TBC1D15: variants seen among roughly 807,000 people sequenced by gnomAD.
The protein encoded by TBC1D15 is GAP for RAB7.
Under a neutral mutation model 95.4 loss-of-function variants are expected in TBC1D15, and 39 were observed. The observed-to-expected ratio is 0.41, with a 90% CI of 0.32 to 0.53. The LOEUF is 0.53. Ranked by LOEUF, TBC1D15 falls within the 20% of genes least tolerant of loss-of-function variation. The pLI, the probability that TBC1D15 is intolerant of heterozygous loss-of-function variation, is 0.29. For synonymous variants in TBC1D15, 258 were observed against 261.3 expected, an observed-to-expected ratio of 0.99 and a Z score of 0.12; for missense variants, 733 against 794.3, an observed-to-expected ratio of 0.92 and a Z score of 0.93.
intron 1 of TBC1D15, among the ~76,000 whole-genome samples, chr12:71,852,338 G>T (rs1279183910): frequency 6.6e-6 from 1 of 152,222 alleles, no homozygotes; most frequent in East Asian, 1.9e-4. Flanking sequence ...CGTTGGTCCT[G>T]TGATGGGAAT....
chr12:71,892,372 A>G (rs1316765547), intron 5 of TBC1D15, among the ~76,000 whole-genome samples: 1 of 152,080 alleles, frequency 6.6e-6, no homozygotes, highest in Non-Finnish European at 1.5e-5. Context: ...TCAAACATTT[A>G]TAATAAACAG....
intron 10 of TBC1D15, among the ~76,000 whole-genome samples, chr12:71,899,656 G>A (rs1162908745): frequency 6.6e-6 from 1 of 152,162 alleles, no homozygotes; most frequent in Non-Finnish European, 1.5e-5. Flanking sequence ...CTCTATTGGA[G>A]CATTTTAAGG....
chr12:71,853,164 C>T (rs577667337), intron 1 of TBC1D15, among the ~76,000 whole-genome samples: 149 of 152,182 alleles, frequency 9.8e-4, no homozygotes, highest in Non-Finnish European at 1.5e-3. Context: ...ACAATCATGG[C>T]GGAAGGCAAA....
intron 5 of TBC1D15, among the ~76,000 whole-genome samples, chr12:71,886,317 C>T (rs999065949): frequency 4.6e-5 from 7 of 152,182 alleles, no homozygotes; most frequent in African/African-American, 7.2e-5. Context: ...TACAGGCGTG[C>T]GCCACCACGG....
chr12:71,865,355 A>G (rs1209547499), intron 1 of TBC1D15, among the ~76,000 whole-genome samples: 1 of 152,042 alleles, frequency 6.6e-6, no homozygotes, highest in Non-Finnish European at 1.5e-5. Flanking sequence ...GACTCCTGGG[A>G]AGAAGGGGTA....
intron 5 of TBC1D15, among the ~76,000 whole-genome samples, chr12:71,890,894 G>T: frequency 6.6e-6 from 1 of 152,128 alleles, no homozygotes; most frequent in East Asian, 1.9e-4. Context: ...AACCAAGTTG[G>T]TTGCTAAGAT....
At chr12:71,902,851 A>G (rs1446211172) in intron 10 of TBC1D15, among the ~76,000 whole-genome samples, 1 of 152,220 alleles carries the variant, frequency 6.6e-6, no homozygotes, top group Non-Finnish European at 1.5e-5. Flanking sequence ...AATACCCAGA[A>G]TCTGTAAGGA....
Position 71,855,901 on chromosome 12 carries a change from A to G in TBC1D15, c.30+16090A>G, listed in dbSNP as rs181459150. Among the ~76,000 whole-genome samples the G allele has an allele frequency of 1.1e-3, 167 of 145,602 alleles. 1 individual carries two copies. The highest frequency in any genetic ancestry group is 4.0e-3 in the African/African-American group (142 of 35,852). ...GTTTTTAAGAGTTTTGTTTTTCTTA[A>G]TCAGTTGCACCTTTTGTCTTGTTAT... is the stretch of plus-strand genomic sequence containing the variant. On this transcript the variant is annotated intron_variant, in intron 1 of 16. Transcript: ENST00000485960.
intron 7 of TBC1D15, among the ~76,000 whole-genome samples, chr12:71,895,300 C>T (rs1168093356): frequency 3.9e-5 from 6 of 151,914 alleles, no homozygotes; most frequent in Admixed American, 3.9e-4. Context: ...GGGTTTTGGC[C>T]TGAATTATGG....
chr12:71,873,474 T>C (rs143862273), intron 3 of TBC1D15, among the ~76,000 whole-genome samples: 167 of 152,342 alleles, frequency 1.1e-3, no homozygotes, highest in African/African-American at 3.7e-3. Flanking sequence ...TATTCATCAA[T>C]TGATGGACAT....
At chr12:71,887,754 A>T (rs542610038) in intron 5 of TBC1D15, among the ~76,000 whole-genome samples, 5 of 152,172 alleles carry the variant, frequency 3.3e-5, no homozygotes, top group Non-Finnish European at 7.3e-5. Context: ...CTAACAGCAT[A>T]CAATAATTTG....
chr12:71,911,172 G>C (rs533183657), intron 11 of TBC1D15, among the ~76,000 whole-genome samples: 2,662 of 152,206 alleles, frequency 0.017, 77 homozygotes, highest in African/African-American at 0.061. Context: ...TACACTGTTG[G>C]TGGGACTGTA....
chr12:71,878,601 C>T (rs1398754095), intron 3 of TBC1D15, among the ~76,000 whole-genome samples: 2 of 151,384 alleles, frequency 1.3e-5, no homozygotes, highest in Admixed American at 6.6e-5. Flanking sequence ...CTGCAATCTC[C>T]GCCTCCCGAG....
At position 71,842,917 on chromosome 12, in the gene TBC1D15, C is replaced by G. The variant is rs572583392; in HGVS notation, c.30+3106C>G. Among the ~76,000 whole-genome samples the G allele has an allele frequency of 3.2e-4, 49 of 151,400 alleles. No individual in the cohort carries two copies. In the South Asian group the frequency reaches 9.8e-3, roughly 30 times the overall value. On this transcript the variant is annotated intron_variant, in intron 1 of 16. Coordinates refer to ENST00000485960, the MANE Select transcript of TBC1D15 (RefSeq NM_001146213.3). ...GGGTCCATTAATAGCTCTTTTGTTT[C>G]AGAGTTGTAAAATCCTATTGTAGTA... is the stretch of plus-strand genomic sequence containing the variant.
chr12:71,852,595 G>T (rs1045544494), intron 1 of TBC1D15, among the ~76,000 whole-genome samples: 1 of 152,184 alleles, frequency 6.6e-6, no homozygotes, highest in Non-Finnish European at 1.5e-5. Flanking sequence ...AGCATAGGTT[G>T]TTAGAAACAG....
intron 1 of TBC1D15, among the ~76,000 whole-genome samples, chr12:71,869,283 G>A (rs1356172137): frequency 2.0e-5 from 3 of 152,206 alleles, no homozygotes; most frequent in Non-Finnish European, 2.9e-5. Context: ...AGCACTTTGA[G>A]AGGCCAAGGT....
chr12:71,849,245 C>T, intron 1 of TBC1D15: 1 of 635,604 alleles, frequency 1.6e-6, no homozygotes, highest in Non-Finnish European at 2.8e-6. Flanking sequence ...GATACTCCTG[C>T]CTGATCCAAG....
intron 1 of TBC1D15, chr12:71,850,527 C>T (rs1478182444): frequency 6.2e-6 from 1 of 162,542 alleles, no homozygotes; most frequent in African/African-American, 2.4e-5. Context: ...ATCCTTCCAC[C>T]TCAGCCTCCC....
intron 6 of TBC1D15, 33 bp downstream of exon 6, chr12:71,893,357 G>T: frequency 6.7e-7 from 1 of 1,497,876 alleles, no homozygotes; most frequent in Non-Finnish European, 9.2e-7. Flanking sequence ...GTATTATTCT[G>T]ACTGCATTAT....
Sources: gnomAD v4.1 joint callset for allele counts (sites outside exome capture counted in the v4.1 genomes callset) on GRCh38, gnomAD v4.1.1 for gene constraint, MANE v1.5 for transcripts, NCBI Gene and HGNC (gene_info 2026-07-23, HGNC 2026-07-21) for gene names.